Variants in PTP4A3 observed in about 807,000 individuals in gnomAD.
PTP4A3 encodes the protein protein tyrosine phosphatase 4A3, also known as protein tyrosine phosphatase type IVA 3.
A neutral mutation model predicts 15.2 loss-of-function variants in PTP4A3; 9 were observed. The observed-to-expected ratio is 0.59, with a 90% CI of 0.36 to 1.03. The LOEUF (loss-of-function observed/expected upper bound fraction) is 1.03. PTP4A3 is among the 50% of genes least tolerant of loss of function. The probability of loss-of-function intolerance (pLI) is 0.02; values close to 1 mark genes in which losing one functional copy is unlikely to be tolerated. For missense variants in PTP4A3, 234 were observed against 252.1 expected (o/e 0.93, Z 0.49); for synonymous variants, 95 against 102.0 (o/e 0.93, Z 0.41).
chr8:141,413,983 T>G (rs1300294054), intron 1 of PTP4A3, among the ~76,000 whole-genome samples: 3 of 146,948 alleles, frequency 2.0e-5, no homozygotes, highest in Non-Finnish European at 4.4e-5. Context: ...GTGGGCGTCG[T>G]GGGGCTGGAC....
intron 1 of PTP4A3, among the ~76,000 whole-genome samples, chr8:141,399,409 C>T (rs550538759): frequency 3.2e-4 from 48 of 152,314 alleles, no homozygotes; most frequent in Non-Finnish European, 4.9e-4. Context: ...TGGGAATTGC[C>T]GTGTGGAGCT....
chr8:141,398,995 A>G (rs1832518105), intron 1 of PTP4A3, among the ~76,000 whole-genome samples: 1 of 151,832 alleles, frequency 6.6e-6, no homozygotes, highest in South Asian at 2.1e-4. Flanking sequence ...TTCCCACGGG[A>G]CCGGTGCTCC....
intron 2 of PTP4A3, among the ~76,000 whole-genome samples, chr8:141,423,279 T>C (rs1439051562): frequency 6.6e-6 from 1 of 152,228 alleles, no homozygotes; most frequent in Non-Finnish European, 1.5e-5. Flanking sequence ...AGAAGATGGC[T>C]GTCCCTCTCG....
chr8:141,396,430 T>C (rs974959981), intron 1 of PTP4A3, among the ~76,000 whole-genome samples: 1 of 152,070 alleles, frequency 6.6e-6, no homozygotes, highest in African/African-American at 2.4e-5. Flanking sequence ...ATTTGGGTGA[T>C]GGTGCCAGTG....
intron 2 of PTP4A3, among the ~76,000 whole-genome samples, chr8:141,423,632 C>T (rs943974212): frequency 9.9e-5 from 15 of 151,430 alleles, no homozygotes; most frequent in African/African-American, 2.9e-4. Context: ...GGTTGGGGCT[C>T]AGTGTTTGAC....
intron 1 of PTP4A3, among the ~76,000 whole-genome samples, chr8:141,418,252 G>A (rs1833147251): frequency 6.6e-6 from 1 of 152,228 alleles, no homozygotes; most frequent in Admixed American, 6.5e-5. Flanking sequence ...CTGAGCCCCG[G>A]GCCTCCAGCC....
At chr8:141,423,267 A>G (rs1250690441) in intron 2 of PTP4A3, among the ~76,000 whole-genome samples, 1 of 152,238 alleles carries the variant, frequency 6.6e-6, no homozygotes, top group African/African-American at 2.4e-5. Context: ...CAGGTGCCCT[A>G]CAGAAGATGG....
intron 2 of PTP4A3, among the ~76,000 whole-genome samples, chr8:141,422,822 G>A (rs1833398450): frequency 6.6e-6 from 1 of 152,202 alleles, no homozygotes; most frequent in South Asian, 2.1e-4. Flanking sequence ...GGTCAGCGCT[G>A]ACCACAGGAG....
chr8:141,421,928 C>T lies in PTP4A3; in HGVS notation c.-313C>T, dbSNP rs1298200739. ...TTTATGACTATCCAGCTCTGAGAGA[C>T]GGGAGTTTGGAGTTGCCCGCTTTAC... On this transcript the variant is annotated 5_prime_UTR_variant, in exon 2 of 6. In the 5' UTR this introduces an upstream ATG that the reference lacks. Coordinates refer to ENST00000521578, the MANE Select transcript of PTP4A3 (RefSeq NM_032611.3). 4 of 374,598 alleles carry T rather than the reference C, an allele frequency of 1.1e-5. No homozygotes were observed. The highest frequency in any genetic ancestry group is 1.9e-5 in the Non-Finnish European group (4 of 208,624). The allele number at this position is 374,598 out of a possible 1,614,324, so 23.2% of individuals were successfully genotyped here.
intron 3 of PTP4A3, chr8:141,426,476 G>C: frequency 1.0e-6 from 1 of 985,452 alleles, no homozygotes; most frequent in Non-Finnish European, 1.2e-6. Flanking sequence ...GTCCTTCCTG[G>C]CACCTGGGCT....
At chr8:141,394,422 G>A (rs1029369279) in intron 1 of PTP4A3, among the ~76,000 whole-genome samples, 1 of 152,132 alleles carries the variant, frequency 6.6e-6, no homozygotes, top group Non-Finnish European at 1.5e-5. Context: ...TTCTCACCTC[G>A]AGAGCACCGT....
intron 1 of PTP4A3, among the ~76,000 whole-genome samples, chr8:141,403,060 T>A (rs981426645): frequency 6.6e-5 from 10 of 152,110 alleles, no homozygotes; most frequent in African/African-American, 2.4e-4. Context: ...CCCTGGGGTG[T>A]GGGTGCCTCT....
chr8:141,394,020 G>T (rs890243170), intron 1 of PTP4A3, among the ~76,000 whole-genome samples: 2 of 152,218 alleles, frequency 1.3e-5, no homozygotes, highest in African/African-American at 4.8e-5. Flanking sequence ...CTTGGGCAGA[G>T]GTGCACACAG....
At chr8:141,428,424 A>C (rs1833687336) in intron 5 of PTP4A3, among the ~76,000 whole-genome samples, 1 of 152,110 alleles carries the variant, frequency 6.6e-6, no homozygotes. Context: ...CCGGGATGGC[A>C]GGGCCAACTC....
rs1833035738 is a variant in PTP4A3, at chr8:141,415,970, A to C, written c.-853-5418A>C. On this transcript the variant is annotated intron_variant, in intron 1 of 5. Coordinates refer to ENST00000521578, the MANE Select transcript of PTP4A3 (RefSeq NM_032611.3). ...CTTGGGCCCGCTCTGGGAGGATTCCAGGAACGGCTCCTGCCTGGTTATAAA... is the reference window on the plus strand; with the variant it reads ...CTTGGGCCCGCTCTGGGAGGATTCCCGGAACGGCTCCTGCCTGGTTATAAA... Among the ~76,000 whole-genome samples the C allele has an allele frequency of 3.3e-5, 5 of 152,014 alleles. No homozygotes were observed. The South Asian group carries it at 1.0e-3, about 32-fold the overall frequency.
intron 5 of PTP4A3, among the ~76,000 whole-genome samples, chr8:141,428,637 AGAGCGTGGCCCGCCCTGTGGGTCTGTGC>A (rs1341633108): frequency 6.6e-6 from 1 of 151,608 alleles, no homozygotes; most frequent in Non-Finnish European, 1.5e-5. Context: ...TGGGTCTGCG[AGAGCGTGGCCCGCCCTGTGGGTCTGTGC>A]GAGAGCGTGG....
chr8:141,425,166 A>C lies in PTP4A3; in HGVS notation c.198+26A>C. The stretch of plus-strand genomic sequence containing the variant: ...GTGAGGCGCGCGCCACGGGGACCCT[A>C]GTCACTGCTGCCACCGGGGGAGGGT... On this transcript the variant is annotated intron_variant, in intron 3 of 5. Transcript: ENST00000521578. The surrounding 1 kb of genome is among the most constrained non-coding windows in gnomAD (Gnocchi z 4.2). 4 of 659,350 alleles carry C rather than the reference A, an allele frequency of 6.1e-6. No individual in the cohort carries two copies. Among genetic ancestry groups the C allele is most frequent in the African/African-American group, 2.0e-5 (1 of 50,022 alleles). 40.8% of individuals were successfully genotyped at this position (659,350 alleles called of 1,614,324 possible). A position where few individuals can be genotyped will look rare whatever the true frequency, so the allele number is the denominator to read the frequency against.
chr8:141,409,059 G>T (rs1832800811), intron 1 of PTP4A3, among the ~76,000 whole-genome samples: 1 of 152,206 alleles, frequency 6.6e-6, no homozygotes, highest in Non-Finnish European at 1.5e-5. Context: ...CTGGAGGGTG[G>T]GGTTCCAGTC....
chr8:141,425,234 T>G lies in PTP4A3; in HGVS notation c.198+94T>G. 1.6e-6 allele frequency: 2 copies of G among 1,271,984 alleles called. No homozygotes were observed. The highest frequency in any genetic ancestry group is 2.2e-6 in the Non-Finnish European group (2 of 909,552). 78.8% of individuals were successfully genotyped at this position (1,271,984 alleles called of 1,614,324 possible). A position where few individuals can be genotyped will look rare whatever the true frequency, so the allele number is the denominator to read the frequency against. Reference sequence around the variant, plus strand: ...GCCTGCGCAGAGGGTTTGGTGCCCCTCCTGTGGCAGCCCTGGGCATGTCTG... The same window carrying G: ...GCCTGCGCAGAGGGTTTGGTGCCCCGCCTGTGGCAGCCCTGGGCATGTCTG... On this transcript the variant is annotated intron_variant, in intron 3 of 5. Transcript: ENST00000521578. The surrounding 1 kb of genome is among the most constrained non-coding windows in gnomAD (Gnocchi z 4.2).
Sources: gnomAD v4.1 joint callset for allele counts (sites outside exome capture counted in the v4.1 genomes callset) on GRCh38, gnomAD v4.1.1 for gene constraint, Gnocchi (gnomAD v3.1) non-coding constraint, MANE v1.5 for transcripts, NCBI Gene and HGNC (gene_info 2026-07-23, HGNC 2026-07-21) for gene names.